SFMBT2: variants seen among roughly 807,000 people sequenced by gnomAD.
The protein encoded by SFMBT2 is Scm like with four mbt domains 2.
SFMBT2 carries 38 observed loss-of-function variants against 110.1 expected under a neutral mutation model. The observed-to-expected ratio is 0.35, with a 90% CI of 0.27 to 0.45. The LOEUF (loss-of-function observed/expected upper bound fraction) is 0.45. Among genes scored for constraint, SFMBT2 ranks in the 20% least tolerant of loss-of-function variants. The pLI is 1.00. For synonymous variants in SFMBT2, 425 were observed against 425.4 expected, an observed-to-expected ratio of 1.00 and a Z score of 0.01; for missense variants, 1,011 against 1,094.9, an observed-to-expected ratio of 0.92 and a Z score of 1.08.
chr10:7,325,867 T>C (rs1843368004), intron 4 of SFMBT2, among the ~76,000 whole-genome samples: 1 of 152,208 alleles, frequency 6.6e-6, no homozygotes, highest in South Asian at 2.1e-4. Flanking sequence ...AACCATTGAA[T>C]TGTACACTTT....
intron 7 of SFMBT2, among the ~76,000 whole-genome samples, chr10:7,262,692 G>C (rs1030482129): frequency 1.3e-5 from 2 of 152,240 alleles, no homozygotes; most frequent in Non-Finnish European, 2.9e-5. Flanking sequence ...TCAGGCCCCA[G>C]TGATCAAGCA....
rs1232997588 is a variant in SFMBT2 at position 7,162,553 on chromosome 10, G to A, written c.*1217C>T. The A allele has an allele frequency of 6.6e-6, 1 of 152,234 alleles. No homozygotes were observed. The highest frequency in any genetic ancestry group is 1.5e-5 in the Non-Finnish European group (1 of 68,046). The allele number at this position is 152,234 out of a possible 1,614,324, so 9.4% of individuals were successfully genotyped here. A position where few individuals can be genotyped will look rare whatever the true frequency, so the allele number is the denominator to read the frequency against. On this transcript the variant is annotated 3_prime_UTR_variant, in exon 21 of 21. Transcript: ENST00000397167. ...AACGAGACAGAAGGGACGCTCAGAG[G>A]GACTCCTGCTCGGTGACCTGCTGCA...
chr10:7,384,415 A>T (rs1383347112), intron 1 of SFMBT2, among the ~76,000 whole-genome samples: 1 of 152,248 alleles, frequency 6.6e-6, no homozygotes, highest in South Asian at 2.1e-4. Flanking sequence ...TACAGAAACG[A>T]CCTGAACCAA....
intron 20 of SFMBT2, chr10:7,164,403 A>G (rs897850707): frequency 2.0e-6 from 2 of 984,474 alleles, no homozygotes; most frequent in African/African-American, 3.5e-5. Flanking sequence ...ACAAAAAACA[A>G]CAATACAAAT....
chr10:7,310,785 C>T (rs1367715118), intron 4 of SFMBT2, among the ~76,000 whole-genome samples: 1 of 152,228 alleles, frequency 6.6e-6, no homozygotes, highest in African/African-American at 2.4e-5. Context: ...GTGGCTCATG[C>T]TTGTAATCCC....
intron 4 of SFMBT2, among the ~76,000 whole-genome samples, chr10:7,357,908 G>A (rs1023471849): frequency 5.3e-5 from 8 of 152,022 alleles, no homozygotes; most frequent in African/African-American, 1.9e-4. Context: ...GCACAGCCCT[G>A]GAGTGAAACC....
chr10:7,269,128 A>G (rs550920142), intron 7 of SFMBT2, among the ~76,000 whole-genome samples: 4 of 152,332 alleles, frequency 2.6e-5, no homozygotes, highest in African/African-American at 9.6e-5. Flanking sequence ...TATTTCATCA[A>G]CTATTTATCC....
intron 16 of SFMBT2, among the ~76,000 whole-genome samples, chr10:7,185,424 A>G (rs906100115): frequency 2.0e-5 from 3 of 152,266 alleles, no homozygotes; most frequent in African/African-American, 7.2e-5. Flanking sequence ...GCGACAGTTC[A>G]TAAGACAAAT....
chr10:7,249,538 A>G, intron 7 of SFMBT2: 2 of 985,414 alleles, frequency 2.0e-6, no homozygotes, highest in Non-Finnish European at 2.4e-6. Flanking sequence ...TGCGATTTCC[A>G]AATACATCAA....
intron 9 of SFMBT2, among the ~76,000 whole-genome samples, chr10:7,230,587 A>T (rs1029037615): frequency 6.6e-6 from 1 of 152,156 alleles, no homozygotes; most frequent in African/African-American, 2.4e-5. Flanking sequence ...GCCAGGAAAA[A>T]GTAGATTAAA....
intron 4 of SFMBT2, among the ~76,000 whole-genome samples, chr10:7,349,648 G>A (rs1159292998): frequency 7.9e-5 from 12 of 151,548 alleles, no homozygotes; most frequent in Admixed American, 3.9e-4. Context: ...TAATGGAGAC[G>A]GGGTTTTGCC....
intron 20 of SFMBT2, among the ~76,000 whole-genome samples, chr10:7,165,342 T>G (rs1837669627): frequency 6.6e-6 from 1 of 152,248 alleles, no homozygotes; most frequent in African/African-American, 2.4e-5. Context: ...GCTTATTTTC[T>G]TAAACTAACG....
intron 9 of SFMBT2, chr10:7,228,384 AAAAAAAC>A: frequency 2.4e-6 from 2 of 832,702 alleles, no homozygotes; most frequent in Non-Finnish European, 2.9e-6. Flanking sequence ...ATTAAAAAAA[AAAAAAAC>A]AAAACAGTAC....
intron 1 of SFMBT2, among the ~76,000 whole-genome samples, chr10:7,401,880 C>T (rs965216819): frequency 2.6e-5 from 4 of 152,168 alleles, no homozygotes; most frequent in Non-Finnish European, 5.9e-5. Context: ...CCACGTGTTC[C>T]GCACAACCAT....
chr10:7,175,188 G>C (rs1361217407), intron 17 of SFMBT2, among the ~76,000 whole-genome samples: 1 of 152,240 alleles, frequency 6.6e-6, no homozygotes, highest in Non-Finnish European at 1.5e-5. Flanking sequence ...CCTTGCATTA[G>C]AGAGAACTGA....
chr10:7,409,540 G>A (rs1411610251), intron 1 of SFMBT2, among the ~76,000 whole-genome samples: 1 of 151,956 alleles, frequency 6.6e-6, no homozygotes, highest in African/African-American at 2.4e-5. Context: ...CTAATCCACA[G>A]GCACACACGA....
intron 2 of SFMBT2, among the ~76,000 whole-genome samples, chr10:7,378,050 GAT>G (rs1845296630): frequency 6.6e-6 from 1 of 150,862 alleles, no homozygotes; most frequent in African/African-American, 2.4e-5. Flanking sequence ...TGGGTGGATG[GAT>G]GGATGTGAGT....
Position 7,387,780 on chromosome 10 carries a change from A to G in SFMBT2, c.-51-5831T>C, listed in dbSNP as rs371850838. 5.9e-5 allele frequency among the ~76,000 whole-genome samples: 8 copies of G among 135,460 alleles called. No individual in the cohort carries two copies. In the East Asian group the frequency reaches 1.4e-3, roughly 23 times the overall value. The allele number at this position is 135,460 out of a possible 152,430, so 88.9% of individuals were successfully genotyped here. On this transcript the variant is annotated intron_variant, in intron 1 of 20. Transcript: ENST00000397167. The stretch of plus-strand genomic sequence containing the variant: ...ACCCTGTCTCTATTAAAAATAGGAA[A>G]AAAAAAAAAAAAAACCAATTAGCTG...
chr10:7,373,808 C>T (rs1390505524), intron 2 of SFMBT2, among the ~76,000 whole-genome samples: 1 of 152,084 alleles, frequency 6.6e-6, no homozygotes, highest in Non-Finnish European at 1.5e-5. Flanking sequence ...GCTCCCAGAA[C>T]CTGCGTGTGA....
Sources: allele counts gnomAD v4.1 joint callset (sites outside exome capture counted in the v4.1 genomes callset), GRCh38; gene constraint gnomAD v4.1.1; transcripts MANE v1.5; gene names NCBI Gene and HGNC (gene_info 2026-07-23, HGNC 2026-07-21).